PIGK: variants seen among roughly 807,000 people sequenced by gnomAD.
PIGK encodes the protein GPI-anchor transamidase.
A neutral mutation model predicts 50.6 loss-of-function variants in PIGK; 42 were observed. The ratio of observed to expected loss-of-function variants is 0.83; its 90% CI spans 0.65 to 1.07. The LOEUF (loss-of-function observed/expected upper bound fraction) is 1.07. Ranked by LOEUF, PIGK falls within the 50% of genes least tolerant of loss-of-function variation. PIGK has a pLI of 0.00. For synonymous variants in PIGK, 151 were observed against 156.0 expected, an observed-to-expected ratio of 0.97 and a Z score of 0.24; for missense variants, 448 against 488.7, an observed-to-expected ratio of 0.92 and a Z score of 0.78.
intron 9 of PIGK, among the ~76,000 whole-genome samples, chr1:77,145,057 A>G (rs1372372872): frequency 6.6e-6 from 1 of 151,984 alleles, no homozygotes; most frequent in Admixed American, 6.5e-5. Flanking sequence ...TTTTTGGTTC[A>G]TAAAGTTTTA....
intron 3 of PIGK, among the ~76,000 whole-genome samples, chr1:77,171,976 A>C (rs904280566): frequency 8.1e-5 from 12 of 148,720 alleles, no homozygotes; most frequent in Non-Finnish European, 1.6e-4. Context: ...ATACCCTAAA[A>C]ACATTAATCC....
intron 9 of PIGK, among the ~76,000 whole-genome samples, chr1:77,148,888 T>C (rs1460580444): frequency 6.6e-6 from 1 of 152,138 alleles, no homozygotes; most frequent in East Asian, 1.9e-4. Context: ...CTAATTTTTT[T>C]GTATTTTTAG....
rs370293779 is a variant in PIGK at position 77,195,085 on chromosome 1, C to A, written c.239+11555G>T. ...GCACACTGCCCATAGCAGGAACAAC[C>A]CAGACTGGTGAGGTGTGGTCATATT... On this transcript the variant is annotated intron_variant, in intron 3 of 10. Coordinates refer to ENST00000370812, the MANE Select transcript of PIGK (RefSeq NM_005482.3). 20 of 1,021,764 alleles carry A rather than the reference C, an allele frequency of 2.0e-5. No homozygotes were observed. The African/African-American group carries it at 3.2e-4, about 16-fold the overall frequency. The allele number at this position is 1,021,764 out of a possible 1,614,324, so 63.3% of individuals were successfully genotyped here.
chr1:77,191,299 A>G (rs139906827), intron 3 of PIGK, among the ~76,000 whole-genome samples: 1,713 of 152,340 alleles, frequency 0.011, 12 homozygotes, highest in Non-Finnish European at 0.016. Flanking sequence ...ACAGTCTATC[A>G]TAACTTAAAC....
chr1:77,196,449 A>C (rs115914811), intron 3 of PIGK, among the ~76,000 whole-genome samples: 108 of 152,254 alleles, frequency 7.1e-4, no homozygotes, highest in Non-Finnish European at 1.4e-3. Flanking sequence ...AACAGTGTAA[A>C]TGTGTCCCCT....
At chr1:77,158,986 T>C (rs560960606) in intron 8 of PIGK, among the ~76,000 whole-genome samples, 1 of 152,228 alleles carries the variant, frequency 6.6e-6, no homozygotes, top group South Asian at 2.1e-4. Context: ...GCCAAGACAA[T>C]GGGGAAAATG....
At chr1:77,134,208 A>T (rs548182365) in intron 9 of PIGK, among the ~76,000 whole-genome samples, 12 of 152,342 alleles carry the variant, frequency 7.9e-5, no homozygotes, top group African/African-American at 2.9e-4. Context: ...AAGAGAAAAA[A>T]GTGGCTAGAA....
At position 77,104,024 on chromosome 1, in the gene PIGK, TAAA is replaced by T. The variant is rs11450309; in HGVS notation, c.1072-11537_1072-11535del. ...CTAAATCAGGATAGTGGGGCTATCT[TAAA>T]AAAAAAAAAAAAGACTACTCTGGAT... On this transcript the variant is annotated intron_variant, in intron 10 of 10. Coordinates refer to ENST00000370812, the MANE Select transcript of PIGK (RefSeq NM_005482.3). 6.5e-5 allele frequency among the ~76,000 whole-genome samples: 9 copies of T among 138,132 alleles called. No individual in the cohort carries two copies. In the South Asian group the frequency reaches 7.1e-4, roughly 11 times the overall value. The allele number at this position is 138,132 out of a possible 152,430, so 90.6% of individuals were successfully genotyped here.
intron 3 of PIGK, among the ~76,000 whole-genome samples, chr1:77,183,480 A>G (rs569221308): frequency 6.6e-6 from 1 of 152,322 alleles, no homozygotes; most frequent in Non-Finnish European, 1.5e-5. Context: ...TTTCAGATCT[A>G]TAACAAGTCC....
chr1:77,142,336 C>G (rs972987974), intron 9 of PIGK, among the ~76,000 whole-genome samples: 1 of 152,118 alleles, frequency 6.6e-6, no homozygotes, highest in Non-Finnish European at 1.5e-5. Flanking sequence ...ATCAATATGA[C>G]TGTGATGAGT....
At chr1:77,217,195 A>G (rs1385394558) in intron 1 of PIGK, among the ~76,000 whole-genome samples, 3 of 152,218 alleles carry the variant, frequency 2.0e-5, no homozygotes, top group Non-Finnish European at 2.9e-5. Context: ...CTGCCTTCAA[A>G]TAGGTTACTA....
At chr1:77,217,760 C>T (rs1223961197) in intron 1 of PIGK, among the ~76,000 whole-genome samples, 1 of 152,058 alleles carries the variant, frequency 6.6e-6, no homozygotes, top group East Asian at 1.9e-4. Flanking sequence ...ATCAAGTGTA[C>T]AAATTACAAG....
intron 10 of PIGK, among the ~76,000 whole-genome samples, chr1:77,118,279 C>G (rs1654022631): frequency 6.6e-6 from 1 of 152,032 alleles, no homozygotes; most frequent in Admixed American, 6.6e-5. Flanking sequence ...ACTCTGTTGC[C>G]CAGGCTGGAG....
intron 9 of PIGK, among the ~76,000 whole-genome samples, chr1:77,140,608 T>C (rs536401507): frequency 6.6e-6 from 1 of 152,300 alleles, no homozygotes; most frequent in East Asian, 1.9e-4. Context: ...CATGGGAACG[T>C]CATGTACTCT....
At chr1:77,184,206 C>T (rs1345557996) in intron 3 of PIGK, among the ~76,000 whole-genome samples, 1 of 128,550 alleles carries the variant, frequency 7.8e-6, no homozygotes, top group Admixed American at 7.6e-5. Context: ...GCTAATTAAT[C>T]ACGGTGCTCC....
intron 1 of PIGK, among the ~76,000 whole-genome samples, chr1:77,213,879 AG>A (rs1656484754): frequency 1.3e-5 from 2 of 152,334 alleles, no homozygotes; most frequent in Admixed American, 6.5e-5. Flanking sequence ...TGAAGTACAA[AG>A]AATCACTAGA....
At chr1:77,157,275 T>C (rs1439222441) in intron 8 of PIGK, among the ~76,000 whole-genome samples, 1 of 152,114 alleles carries the variant, frequency 6.6e-6, no homozygotes, top group Admixed American at 6.5e-5. Flanking sequence ...TGCCAGAAAA[T>C]CAATCATTCT....
intron 9 of PIGK, among the ~76,000 whole-genome samples, chr1:77,149,339 TATA>T (rs2100548052): frequency 6.6e-6 from 1 of 152,180 alleles, no homozygotes; most frequent in African/African-American, 2.4e-5. Flanking sequence ...AAGACCCACC[TATA>T]TGTTGCCTAC....
chr1:77,160,821 A>G (rs1409257542), intron 8 of PIGK, among the ~76,000 whole-genome samples: 3 of 152,240 alleles, frequency 2.0e-5, no homozygotes, highest in Admixed American at 6.5e-5. Context: ...CCACAAAAAT[A>G]TGTAAGAAAA....
Sources: gnomAD v4.1 joint callset for allele counts (sites outside exome capture counted in the v4.1 genomes callset) on GRCh38, gnomAD v4.1.1 for gene constraint, MANE v1.5 for transcripts, NCBI Gene and HGNC (gene_info 2026-07-23, HGNC 2026-07-21) for gene names.